ARHGEF26: variants seen among roughly 807,000 people sequenced by gnomAD.
ARHGEF26 encodes Rho guanine nucleotide exchange factor (GEF) 26.
In ARHGEF26, 59 loss-of-function variants were observed where a neutral mutation model predicts 89.4. That is an observed-to-expected ratio of 0.66 (90% CI 0.54 to 0.82). ARHGEF26 has a LOEUF of 0.82. Ranked by LOEUF, ARHGEF26 falls within the 40% of genes least tolerant of loss-of-function variation. The probability of loss-of-function intolerance (pLI) is 0.00; values close to 1 mark genes in which losing one functional copy is unlikely to be tolerated. For missense variants in ARHGEF26, 1,234 were observed against 1,085.6 expected (o/e 1.14, Z -1.92); for synonymous variants, 500 against 428.4 (o/e 1.17, Z -2.06).
At chr3:154,143,242 A>T (rs1719493142) in intron 4 of ARHGEF26, among the ~76,000 whole-genome samples, 1 of 152,244 alleles carries the variant, frequency 6.6e-6, no homozygotes. Context: ...ATTTTTGTCT[A>T]TAACTTTTCA....
intron 9 of ARHGEF26, among the ~76,000 whole-genome samples, chr3:154,202,774 G>A (rs1271556866): frequency 1.9e-5 from 2 of 105,538 alleles, no homozygotes; most frequent in Non-Finnish European, 3.8e-5. Flanking sequence ...ATTGTGAATG[G>A]GAGTTCACTC....
intron 6 of ARHGEF26, among the ~76,000 whole-genome samples, chr3:154,173,449 A>G (rs1303629231): frequency 1.3e-5 from 2 of 148,676 alleles, no homozygotes; most frequent in African/African-American, 2.6e-5. Flanking sequence ...AAAGTTCTCA[A>G]TTAATTACAG....
chr3:154,187,761 ACAGCATC>A lies in ARHGEF26; in HGVS notation c.1567_1573del (p.Ala523HisfsTer6), dbSNP rs1157513378. The stretch of plus-strand genomic sequence containing the variant: ...CATAAGTGACATTGTGGAAAAACAC[ACAGCATC>A]CACATTTGACCCATATGTGAAATAC... On this transcript the variant is annotated frameshift_variant, in exon 7 of 15. Coordinates refer to ENST00000465093, the MANE Select transcript of ARHGEF26 (RefSeq NM_015595.4). LOFTEE classifies it high-confidence loss of function. The A allele has an allele frequency of 6.2e-7, 1 of 1,612,114 alleles. No homozygotes were observed. The highest frequency in any genetic ancestry group is 1.7e-5 in the Admixed American group (1 of 59,846).
intron 12 of ARHGEF26, among the ~76,000 whole-genome samples, chr3:154,248,381 A>C (rs1024478015): frequency 2.0e-5 from 3 of 152,234 alleles, no homozygotes; most frequent in African/African-American, 7.2e-5. Context: ...AACAGGAAGT[A>C]CATGGAATGG....
At chr3:154,171,895 T>A (rs575477872) in intron 6 of ARHGEF26, among the ~76,000 whole-genome samples, 2 of 152,102 alleles carry the variant, frequency 1.3e-5, no homozygotes, top group East Asian at 3.9e-4. Context: ...CCAAGAATGC[T>A]GAGAAGGAGA....
Position 154,256,708 on chromosome 3 carries a change from A to C in ARHGEF26, c.*1235A>C. ...CACTACAGTAATCTCAAGGAAGGGAAAATTAGGCCTTAAAAGATACCAAGA... is the reference window on the plus strand; with the variant it reads ...CACTACAGTAATCTCAAGGAAGGGACAATTAGGCCTTAAAAGATACCAAGA... On this transcript the variant is annotated 3_prime_UTR_variant, in exon 15 of 15. Transcript: ENST00000465093. 1.5e-6 allele frequency: 2 copies of C among 1,331,736 alleles called. No homozygotes were observed. Among genetic ancestry groups the C allele is most frequent in the South Asian group, 2.2e-5 (1 of 45,044 alleles). 82.5% of individuals were successfully genotyped at this position (1,331,736 alleles called of 1,614,324 possible). A position where few individuals can be genotyped will look rare whatever the true frequency, so the allele number is the denominator to read the frequency against.
chr3:154,256,186 G>T lies in ARHGEF26; in HGVS notation c.*713G>T. The T allele has an allele frequency of 1.7e-5, 17 of 985,700 alleles. No homozygotes were observed. The highest frequency in any genetic ancestry group is 2.0e-5 in the Non-Finnish European group (17 of 829,942). The allele number at this position is 985,700 out of a possible 1,614,324, so 61.1% of individuals were successfully genotyped here. ...AACCTAAGCTACCTTTAACAACGTA[G>T]AATTTAGATGGGTTCATATATGTGA... On this transcript the variant is annotated 3_prime_UTR_variant, in exon 15 of 15. Transcript: ENST00000465093.
chr3:154,245,314 C>T (rs1717736723), intron 12 of ARHGEF26, among the ~76,000 whole-genome samples: 2 of 152,112 alleles, frequency 1.3e-5, no homozygotes, highest in Admixed American at 6.5e-5. Flanking sequence ...CAGGCGTGAG[C>T]CATTGTGCCC....
intron 6 of ARHGEF26, among the ~76,000 whole-genome samples, chr3:154,155,835 G>T (rs537330912): frequency 5.7e-4 from 86 of 151,916 alleles, no homozygotes; most frequent in African/African-American, 2.0e-3. Flanking sequence ...ATTCTAAAAG[G>T]ACTGTAATAG....
In ARHGEF26 at chr3:154,122,704, A is replaced by G. The variant is rs376185280; in HGVS notation, c.712A>G (p.Asn238Asp). ...LENPSVVLST[N>D]SPAALKVGKQ... ...GAATCCTTCCGTGGTTTTGAGTACA[A>G]ACAGCCCCGCCGCCCTCAAAGTGGG... The change falls in exon 2 of 15, where the codon AAC (asparagine) becomes GAC (aspartate). Residue 238 changes from asparagine to aspartate, a missense_variant. Coordinates refer to ENST00000465093, the MANE Select transcript of ARHGEF26 (RefSeq NM_015595.4). The G allele has an allele frequency of 6.2e-7, 1 of 1,613,704 alleles. No individual in the cohort carries two copies. Among genetic ancestry groups the G allele is most frequent in the Middle Eastern group, 1.7e-4 (1 of 6,060 alleles).
chr3:154,215,585 A>G (rs1437901925), intron 9 of ARHGEF26, among the ~76,000 whole-genome samples: 1 of 152,094 alleles, frequency 6.6e-6, no homozygotes, highest in South Asian at 2.1e-4. Flanking sequence ...GGGTGGTTTA[A>G]GGAACAGATA....
At chr3:154,203,401 A>T (rs1328988034) in intron 9 of ARHGEF26, among the ~76,000 whole-genome samples, 9 of 152,050 alleles carry the variant, frequency 5.9e-5, no homozygotes, top group African/African-American at 1.4e-4. Context: ...TCGGGTTACC[A>T]GTATTTTATT....
At chr3:154,128,063 CT>C (rs1354852866) in intron 3 of ARHGEF26, among the ~76,000 whole-genome samples, 9 of 152,140 alleles carry the variant, frequency 5.9e-5, no homozygotes, top group African/African-American at 2.2e-4. Context: ...AGATCACACC[CT>C]ACTGACAGTC....
chr3:154,155,349 C>G (rs111405840), intron 6 of ARHGEF26, among the ~76,000 whole-genome samples: 1,742 of 151,988 alleles, frequency 0.011, 32 homozygotes, highest in African/African-American at 0.04. Context: ...CGCTGAAACA[C>G]AAGAATATTT....
At chr3:154,247,388 G>T (rs1351593566) in intron 12 of ARHGEF26, among the ~76,000 whole-genome samples, 1 of 152,142 alleles carries the variant, frequency 6.6e-6, no homozygotes, top group Non-Finnish European at 1.5e-5. Flanking sequence ...CTGTGTAAAA[G>T]TCTATTTCAT....
At chr3:154,125,323 A>G (rs1718264500) in intron 3 of ARHGEF26, among the ~76,000 whole-genome samples, 1 of 152,200 alleles carries the variant, frequency 6.6e-6, no homozygotes, top group African/African-American at 2.4e-5. Flanking sequence ...TTCCCATTGG[A>G]ACATTTATAA....
At chr3:154,248,892 T>C (rs1032105677) in intron 12 of ARHGEF26, among the ~76,000 whole-genome samples, 2 of 152,200 alleles carry the variant, frequency 1.3e-5, no homozygotes, top group African/African-American at 2.4e-5. Context: ...TTTTTCACGC[T>C]ATGGGGCTTT....
chr3:154,192,562 A>G (rs1034223844), intron 8 of ARHGEF26, among the ~76,000 whole-genome samples: 4 of 152,000 alleles, frequency 2.6e-5, no homozygotes, highest in African/African-American at 9.7e-5. Flanking sequence ...CCCTGTGTAC[A>G]TATTGGGAAG....
chr3:154,201,175 C>G (rs574403676), intron 9 of ARHGEF26, among the ~76,000 whole-genome samples: 1 of 150,304 alleles, frequency 6.7e-6, no homozygotes, highest in East Asian at 2.0e-4. Context: ...CACCACAGGC[C>G]CCAGTGTGTG....
Sources: gnomAD v4.1 joint callset for allele counts (sites outside exome capture counted in the v4.1 genomes callset) on GRCh38, gnomAD v4.1.1 for gene constraint, MANE v1.5 for transcripts, NCBI Gene and HGNC (gene_info 2026-07-23, HGNC 2026-07-21) for gene names.